SH3BP4: variants seen among roughly 807,000 people sequenced by gnomAD.
The protein encoded by SH3BP4 is SH3 domain binding protein 4, also known as SH3 domain-binding protein 4.
Under a neutral mutation model 65.5 loss-of-function variants are expected in SH3BP4, and 33 were observed. The observed-to-expected ratio is 0.50, with a 90% CI of 0.38 to 0.67. The LOEUF (loss-of-function observed/expected upper bound fraction) is 0.67. SH3BP4 is among the 30% of genes least tolerant of loss of function. The pLI is 0.00. For synonymous variants in SH3BP4, 552 were observed against 545.5 expected, an observed-to-expected ratio of 1.01 and a Z score of -0.17; for missense variants, 1,134 against 1,261.4, an observed-to-expected ratio of 0.90 and a Z score of 1.53.
At chr2:234,971,878 G>A (rs1467772431) in intron 1 of SH3BP4, among the ~76,000 whole-genome samples, 3 of 151,858 alleles carry the variant, frequency 2.0e-5, no homozygotes, top group African/African-American at 4.8e-5. Context: ...GTGCAATGGC[G>A]TGATTTTGGC....
intron 1 of SH3BP4, among the ~76,000 whole-genome samples, chr2:234,973,565 A>C (rs1402292096): frequency 6.6e-6 from 1 of 152,136 alleles, no homozygotes; most frequent in Non-Finnish European, 1.5e-5. Flanking sequence ...AGTCGTATGC[A>C]ATACGTACCC....
intron 2 of SH3BP4, among the ~76,000 whole-genome samples, chr2:235,027,055 G>A (rs1374301955): frequency 6.6e-6 from 1 of 152,238 alleles, no homozygotes; most frequent in Non-Finnish European, 1.5e-5. Flanking sequence ...AACAGGCGGG[G>A]CATCTGCTAA....
intron 1 of SH3BP4, among the ~76,000 whole-genome samples, chr2:234,963,931 C>T (rs1324567309): frequency 1.3e-5 from 2 of 152,166 alleles, no homozygotes; most frequent in East Asian, 1.9e-4. Context: ...TCCTGCTGAT[C>T]GCAAGACTGT....
chr2:234,986,586 C>T (rs1443945600), intron 1 of SH3BP4, among the ~76,000 whole-genome samples: 2 of 152,000 alleles, frequency 1.3e-5, no homozygotes, highest in African/African-American at 2.4e-5. Context: ...TTGTGTTTGT[C>T]GTTACTCTGC....
intron 3 of SH3BP4, among the ~76,000 whole-genome samples, chr2:235,037,612 A>T (rs1379658974): frequency 6.6e-6 from 1 of 152,214 alleles, no homozygotes; most frequent in East Asian, 1.9e-4. Context: ...CATAATAAGG[A>T]CATAACCTTT....
In SH3BP4 at chr2:234,997,979, CG is replaced by C. The variant is rs1456299082; in HGVS notation, c.-133+2606del. ...CTACTAAAAATACAAAAAAATTAGCCGGGCGTGGTGGTGGGCGCCTATAGTC... is the reference window on the plus strand; with the variant it reads ...CTACTAAAAATACAAAAAAATTAGCCGGCGTGGTGGTGGGCGCCTATAGTC... On this transcript the variant is annotated intron_variant, in intron 2 of 5. Coordinates refer to ENST00000392011, the MANE Select transcript of SH3BP4 (RefSeq NM_014521.3). The surrounding 1 kb of genome is among the most constrained non-coding windows in gnomAD (Gnocchi z 4.2). Among the ~76,000 whole-genome samples, 2 of 151,940 alleles carry C rather than the reference CG, an allele frequency of 1.3e-5. No homozygotes were observed. Among genetic ancestry groups the C allele is most frequent in the Non-Finnish European group, 2.9e-5 (2 of 67,996 alleles).
chr2:235,053,180 CA>C (rs1451950115), intron 5 of SH3BP4, among the ~76,000 whole-genome samples: 2 of 152,146 alleles, frequency 1.3e-5, no homozygotes, highest in African/African-American at 4.8e-5. Flanking sequence ...TGTGTTCTCG[CA>C]TGTTTGTGGA....
In SH3BP4 at chr2:235,034,570, G is replaced by A. The variant is rs991478621; in HGVS notation, c.-132-301G>A. Among the ~76,000 whole-genome samples, 2 of 152,208 alleles carry A rather than the reference G, an allele frequency of 1.3e-5. No individual in the cohort carries two copies. Among genetic ancestry groups the A allele is most frequent in the Admixed American group, 6.5e-5 (1 of 15,286 alleles). On this transcript the variant is annotated intron_variant, in intron 2 of 5. Coordinates refer to ENST00000392011, the MANE Select transcript of SH3BP4 (RefSeq NM_014521.3). This position sits in a 1 kb window ranked among gnomAD's most constrained non-coding sequence, Gnocchi z 6.2. ...CTCTTTGACTGTAATGAATGGACTG[G>A]CCAGGTGCTGGAGCACATTTCGCAA... is the stretch of plus-strand genomic sequence containing the variant.
At chr2:235,018,180 G>A (rs1694747698) in intron 2 of SH3BP4, among the ~76,000 whole-genome samples, 1 of 152,154 alleles carries the variant, frequency 6.6e-6, no homozygotes, top group Non-Finnish European at 1.5e-5. Context: ...TGAGGTGATT[G>A]TTTCCATGTA....
chr2:235,042,570 C>G lies in SH3BP4; in HGVS notation c.1801C>G (p.Leu601Val). Residue 601 changes from leucine to valine, a missense_variant, in exon 4 of 6, where the codon CTC becomes GTC. By Grantham distance (32) the Leu-to-Val change is conservative. Transcript: ENST00000392011. The surrounding 1 kb of genome is among the most constrained non-coding windows in gnomAD (Gnocchi z 7.3). Reference protein sequence around the residue: ...VQVKDDQEAILTQFCVQTPQP... With the variant: ...VQVKDDQEAIVTQFCVQTPQP... ...GGTGAAGGACGACCAGGAGGCCATC[C>G]TCACCCAGTTTTGTGTCCAGACTCC... is the stretch of plus-strand genomic sequence containing the variant. 6.2e-7 allele frequency: 1 copy of G among 1,614,124 alleles called. No homozygotes were observed. Among genetic ancestry groups the G allele is most frequent in the South Asian group, 1.1e-5 (1 of 91,072 alleles).
chr2:234,972,594 G>C (rs936777020), intron 1 of SH3BP4, among the ~76,000 whole-genome samples: 2 of 152,106 alleles, frequency 1.3e-5, no homozygotes, highest in Non-Finnish European at 2.9e-5. Flanking sequence ...GGGCATGGTG[G>C]CATGTACCTG....
At chr2:235,040,094 G>A (rs1244079806) in intron 3 of SH3BP4, among the ~76,000 whole-genome samples, 1 of 152,118 alleles carries the variant, frequency 6.6e-6, no homozygotes, top group East Asian at 1.9e-4. Context: ...AATTAGCCAG[G>A]CATGGTGGCA....
At position 234,991,569 on chromosome 2, in the gene SH3BP4, AC is replaced by A. The variant is rs563879674; in HGVS notation, c.-206-3731del. 5.1e-4 allele frequency among the ~76,000 whole-genome samples: 77 copies of A among 152,198 alleles called. No individual in the cohort carries two copies. The highest frequency in any genetic ancestry group is 9.7e-4 in the Non-Finnish European group (66 of 68,002). On this transcript the variant is annotated intron_variant, in intron 1 of 5. Transcript: ENST00000392011. The surrounding 1 kb of genome is among the most constrained non-coding windows in gnomAD (Gnocchi z 4.2). ...TCTAGACTTTCTGCTAATTCCATCCACCCACGCTAAACCGTGTGGTTTTCTT... is the reference window on the plus strand; with the variant it reads ...TCTAGACTTTCTGCTAATTCCATCCACCACGCTAAACCGTGTGGTTTTCTT...
rs1695283583 is a variant in SH3BP4 at position 235,033,890 on chromosome 2, G to A, written c.-132-981G>A. On this transcript the variant is annotated intron_variant, in intron 2 of 5. Coordinates refer to ENST00000392011, the MANE Select transcript of SH3BP4 (RefSeq NM_014521.3). This position sits in a 1 kb window ranked among gnomAD's most constrained non-coding sequence, Gnocchi z 5.7. Reference sequence around the variant, plus strand: ...ACATTCTCAGCTGTCCCTGGATAGAGGAATTGAGGAAAAAGGGACCTCAGA... The same window carrying A: ...ACATTCTCAGCTGTCCCTGGATAGAAGAATTGAGGAAAAAGGGACCTCAGA... Among the ~76,000 whole-genome samples the A allele has an allele frequency of 6.6e-6, 1 of 152,186 alleles. No homozygotes were observed. The highest frequency in any genetic ancestry group is 2.1e-4 in the South Asian group (1 of 4,828).
chr2:234,968,331 G>A (rs1692891401), intron 1 of SH3BP4, among the ~76,000 whole-genome samples: 1 of 150,306 alleles, frequency 6.7e-6, no homozygotes, highest in African/African-American at 2.5e-5. Flanking sequence ...ACCTTGGGGT[G>A]TTCTCCGTGT....
rs762001858 is a variant in SH3BP4, at chr2:235,052,629, C to T, written c.2546C>T (p.Thr849Met). The T allele has an allele frequency of 2.5e-5, 39 of 1,571,102 alleles. 1 individual carries two copies. The highest frequency in any genetic ancestry group is 2.0e-4 in the South Asian group (17 of 85,060). Residue 849 changes from threonine to methionine, a missense_variant, in exon 5 of 6, where the codon ACG (threonine) becomes ATG (methionine). Coordinates refer to ENST00000392011, the MANE Select transcript of SH3BP4 (RefSeq NM_014521.3). The surrounding 1 kb of genome is among the most constrained non-coding windows in gnomAD (Gnocchi z 5.0). ...RLIQDFVLLT[T>M]AVEVAQRWRE... ...ATCCAGGACTTTGTGCTCCTGACCA[C>T]GGCTGTAGAGGTGGCCCAGCGCTGG...
intron 2 of SH3BP4, among the ~76,000 whole-genome samples, chr2:235,012,557 G>A (rs774172391): frequency 6.6e-6 from 1 of 152,168 alleles, no homozygotes; most frequent in Non-Finnish European, 1.5e-5. Flanking sequence ...TTTTACTGCC[G>A]GGTGACCTGT....
Position 234,960,374 on chromosome 2 carries a change from C to T in SH3BP4, c.-207+8204C>T, listed in dbSNP as rs1043813902. ...ATGTTTGTAAGAGGAATGCTCTGTT[C>T]CGGTTCAGTACAGAGCAGCAGCCAT... On this transcript the variant is annotated intron_variant, in intron 1 of 5. Transcript: ENST00000392011. 2.6e-5 allele frequency among the ~76,000 whole-genome samples: 4 copies of T among 152,280 alleles called. No homozygotes were observed. In the East Asian group the frequency reaches 7.7e-4, roughly 29 times the overall value.
At position 235,052,722 on chromosome 2, in the gene SH3BP4, G is replaced by A. The variant is rs369718360; in HGVS notation, c.2639G>A (p.Arg880Gln). The A allele has an allele frequency of 5.0e-5, 80 of 1,603,946 alleles. No homozygotes were observed. Among genetic ancestry groups the A allele is most frequent in the Non-Finnish European group, 5.7e-5 (67 of 1,176,070 alleles). Reference sequence around the variant, plus strand: ...ATGGACGCCTACGAGTCTCCCCACCGGGACAGGAACGGGGTTGTGGACAGC... The same window carrying A: ...ATGGACGCCTACGAGTCTCCCCACCAGGACAGGAACGGGGTTGTGGACAGC... ...QQMDAYESPH[R>Q]DRNGVVDSEA... Residue 880 changes from arginine to glutamine, a missense_variant, in exon 5 of 6, where the codon CGG (arginine) becomes CAG (glutamine). Coordinates refer to ENST00000392011, the MANE Select transcript of SH3BP4 (RefSeq NM_014521.3). This position sits in a 1 kb window ranked among gnomAD's most constrained non-coding sequence, Gnocchi z 5.0.
Sources: gnomAD v4.1 joint callset for allele counts (sites outside exome capture counted in the v4.1 genomes callset) on GRCh38, gnomAD v4.1.1 for gene constraint, Gnocchi (gnomAD v3.1) non-coding constraint, MANE v1.5 for transcripts, NCBI Gene and HGNC (gene_info 2026-07-23, HGNC 2026-07-21) for gene names.